MACROD2: variants seen among roughly 807,000 people sequenced by gnomAD.
MACROD2 encodes mono-ADP ribosylhydrolase 2.
Under a neutral mutation model 70.4 loss-of-function variants are expected in MACROD2, and 36 were observed. The observed-to-expected ratio is 0.51, with a 90% CI of 0.39 to 0.68. The LOEUF (loss-of-function observed/expected upper bound fraction) is 0.68, where lower values mean the gene tolerates loss of function less well. MACROD2 is among the 30% of genes least tolerant of loss of function. MACROD2 has a pLI of 0.00. For missense variants in MACROD2, 496 were observed against 538.4 expected (o/e 0.92, Z 0.78); for synonymous variants, 172 against 178.8 (o/e 0.96, Z 0.30).
chr20:14,176,663 T>C (rs6033895), intron 3 of MACROD2, among the ~76,000 whole-genome samples: 1,762 of 152,304 alleles, frequency 0.012, 32 homozygotes, highest in African/African-American at 0.04. Context: ...TTAAAAGCCA[T>C]GTGTATTTGA....
At chr20:14,176,600 T>C (rs928398844) in intron 3 of MACROD2, among the ~76,000 whole-genome samples, 5 of 152,048 alleles carry the variant, frequency 3.3e-5, no homozygotes, top group Non-Finnish European at 7.4e-5. Flanking sequence ...CTTGAGAGAA[T>C]TAACTGGCAG....
intron 8 of MACROD2, among the ~76,000 whole-genome samples, chr20:15,674,965 G>A (rs1600742187): frequency 1.3e-5 from 2 of 152,232 alleles, no homozygotes; most frequent in East Asian, 3.9e-4. Context: ...TTCCATCTCT[G>A]GGGAATAATG....
At chr20:14,459,432 A>G (rs1360942589) in intron 3 of MACROD2, among the ~76,000 whole-genome samples, 1 of 152,006 alleles carries the variant, frequency 6.6e-6, no homozygotes, top group African/African-American at 2.4e-5. Context: ...AAATCTATCA[A>G]TATTATATAT....
chr20:14,734,431 G>T (rs2071635247), intron 5 of MACROD2, among the ~76,000 whole-genome samples: 1 of 151,250 alleles, frequency 6.6e-6, no homozygotes, highest in Non-Finnish European at 1.5e-5. Context: ...AACCTGGGAG[G>T]TGGAGCTTGC....
intron 5 of MACROD2, among the ~76,000 whole-genome samples, chr20:15,007,087 G>C (rs562543553): frequency 2.0e-5 from 3 of 152,034 alleles, no homozygotes; most frequent in Admixed American, 6.5e-5. Context: ...AGGAGAGGCC[G>C]GGCGCAGTGG....
At chr20:14,208,848 G>A (rs1323996409) in intron 3 of MACROD2, among the ~76,000 whole-genome samples, 1 of 152,178 alleles carries the variant, frequency 6.6e-6, no homozygotes, top group Non-Finnish European at 1.5e-5. Context: ...AGAAGTGGCA[G>A]CAAGGAGCAA....
At chr20:14,770,464 T>C (rs1282026104) in intron 5 of MACROD2, among the ~76,000 whole-genome samples, 1 of 152,106 alleles carries the variant, frequency 6.6e-6, no homozygotes, top group African/African-American at 2.4e-5. Flanking sequence ...ACTGTGTTTG[T>C]TCTATATGTT....
At chr20:15,526,402 T>A (rs1600535874) in intron 8 of MACROD2, among the ~76,000 whole-genome samples, 2 of 152,122 alleles carry the variant, frequency 1.3e-5, no homozygotes, top group African/African-American at 4.8e-5. Flanking sequence ...ATGAGAATAT[T>A]TGGGGCTAAA....
At chr20:14,525,575 C>A (rs1367820231) in intron 4 of MACROD2, among the ~76,000 whole-genome samples, 1 of 152,168 alleles carries the variant, frequency 6.6e-6, no homozygotes, top group East Asian at 1.9e-4. Flanking sequence ...GCTTGTCAGA[C>A]TCTGAAATTG....
chr20:15,003,173 G>T (rs987574894), intron 5 of MACROD2, among the ~76,000 whole-genome samples: 2 of 152,098 alleles, frequency 1.3e-5, no homozygotes, highest in African/African-American at 4.8e-5. Flanking sequence ...TCTTCCATAT[G>T]GGCCAAACAA....
intron 8 of MACROD2, among the ~76,000 whole-genome samples, chr20:15,703,878 CACGATGTCTT>C (rs1422446550): frequency 4.8e-4 from 73 of 152,278 alleles, no homozygotes; most frequent in Middle Eastern, 3.4e-3. Flanking sequence ...AAACATAAGC[CACGATGTCTT>C]ATTTTGTAAA....
intron 3 of MACROD2, among the ~76,000 whole-genome samples, chr20:14,333,401 A>C (rs2082878810): frequency 6.6e-6 from 1 of 152,222 alleles, no homozygotes. Context: ...ATTATCCGTC[A>C]GCATAGTGAA....
intron 3 of MACROD2, among the ~76,000 whole-genome samples, chr20:14,291,754 G>A (rs531756659): frequency 2.6e-5 from 4 of 152,026 alleles, no homozygotes; most frequent in African/African-American, 9.7e-5. Context: ...TCTGCAGAAA[G>A]CACCACTTAA....
intron 5 of MACROD2, among the ~76,000 whole-genome samples, chr20:14,921,244 C>T (rs550334191): frequency 6.6e-6 from 1 of 152,202 alleles, no homozygotes; most frequent in South Asian, 2.1e-4. Context: ...TTACATATTC[C>T]AATCTAGTGA....
chr20:14,371,595 T>A (rs2083324016), intron 3 of MACROD2, among the ~76,000 whole-genome samples: 2 of 152,210 alleles, frequency 1.3e-5, no homozygotes, highest in Admixed American at 6.5e-5. Context: ...AAATATAGAT[T>A]ATTTTTTAAT....
At chr20:15,097,276 C>G (rs2075840904) in intron 5 of MACROD2, among the ~76,000 whole-genome samples, 1 of 152,056 alleles carries the variant, frequency 6.6e-6, no homozygotes, top group Non-Finnish European at 1.5e-5. Context: ...TTGCATTGTA[C>G]TATTTGTTTC....
intron 15 of MACROD2, among the ~76,000 whole-genome samples, chr20:16,023,473 CAAAAAAAA>C (rs60347463): frequency 1.4e-5 from 1 of 71,448 alleles, no homozygotes; most frequent in Non-Finnish European, 2.6e-5. Flanking sequence ...GACTCCATCT[CAAAAAAAA>C]AAAAAAAAAA....
intron 5 of MACROD2, among the ~76,000 whole-genome samples, chr20:15,146,249 G>A (rs1392516998): frequency 6.6e-6 from 1 of 152,116 alleles, no homozygotes; most frequent in East Asian, 1.9e-4. Context: ...AAATGCTTTA[G>A]TGATACGGAA....
intron 6 of MACROD2, among the ~76,000 whole-genome samples, chr20:15,328,236 A>G (rs2077953384): frequency 6.6e-6 from 1 of 151,984 alleles, no homozygotes; most frequent in African/African-American, 2.4e-5. Flanking sequence ...AGGAAGTCAG[A>G]ACAGTAATAA....
Sources: gnomAD v4.1 joint callset for allele counts (sites outside exome capture counted in the v4.1 genomes callset) on GRCh38, gnomAD v4.1.1 for gene constraint, MANE v1.5 for transcripts, NCBI Gene and HGNC (gene_info 2026-07-23, HGNC 2026-07-21) for gene names.